Variants in RBM5 observed in about 807,000 individuals in gnomAD.
The protein encoded by RBM5 is RNA binding motif protein 5.
A neutral mutation model predicts 124.6 loss-of-function variants in RBM5; 15 were observed. The observed-to-expected ratio is 0.12, with a 90% CI of 0.08 to 0.19. The LOEUF is 0.19. RBM5 is among the 10% of genes least tolerant of loss of function. The pLI is 1.00. For missense variants in RBM5, 580 were observed against 1,026.5 expected (o/e 0.57, Z 5.94); for synonymous variants, 337 against 361.2 (o/e 0.93, Z 0.76).
chr3:50,114,514 A>G, intron 20 of RBM5: 1 of 439,008 alleles, frequency 2.3e-6, no homozygotes, highest in Non-Finnish European at 4.0e-6. Flanking sequence ...GAGAGTTTTA[A>G]TGGTCTGGAA....
At position 50,100,663 on chromosome 3, in the gene RBM5, T is replaced by TA. The variant is rs988091724; in HGVS notation, c.483+65dup. On this transcript the variant is annotated intron_variant, in intron 6 of 24. Coordinates refer to ENST00000347869, the MANE Select transcript of RBM5 (RefSeq NM_005778.4). The surrounding 1 kb of genome is among the most constrained non-coding windows in gnomAD (Gnocchi z 5.1). ...AAAATGGAACAAGTCTGTACAATTT[T>TA]AAAAAAAGGTTGAAGGAGTGGTTTG... 10 of 1,422,702 alleles carry TA rather than the reference T, an allele frequency of 7.0e-6. No individual in the cohort carries two copies. The African/African-American group carries it at 7.1e-5, about 10-fold the overall frequency. 88.1% of individuals were successfully genotyped at this position (1,422,702 alleles called of 1,614,324 possible).
At chr3:50,118,141 C>G in intron 24 of RBM5, 190 bp from the exon 25 acceptor site, 1 of 738,204 alleles carries the variant, frequency 1.4e-6, no homozygotes, top group South Asian at 2.1e-5. Context: ...TGCCTGTGTT[C>G]CGTAGCCCAT....
intron 15 of RBM5, 48 bp downstream of exon 15, chr3:50,109,736 TTG>T (rs762440238): frequency 6.6e-7 from 1 of 1,516,612 alleles, no homozygotes; most frequent in East Asian, 2.3e-5. Flanking sequence ...TGGGGAAATT[TTG>T]TTTTGCTATA....
chr3:50,093,506 A>G (rs1056945952), intron 3 of RBM5, among the ~76,000 whole-genome samples: 5 of 151,892 alleles, frequency 3.3e-5, no homozygotes, highest in Non-Finnish European at 7.4e-5. Context: ...TTGGGAGGCC[A>G]TAGCAGGAGG....
intron 4 of RBM5, among the ~76,000 whole-genome samples, chr3:50,097,358 T>C (rs1180800901): frequency 1.3e-5 from 2 of 150,322 alleles, no homozygotes; most frequent in Non-Finnish European, 2.9e-5. Context: ...ATCGTGCCAT[T>C]GCACTCCAGC....
At chr3:50,103,307 C>CTT in intron 7 of RBM5, 141 bp downstream of exon 7, 1 of 690,892 alleles carries the variant, frequency 1.4e-6, no homozygotes, top group Non-Finnish European at 2.5e-6. Context: ...TCCTTGGGTC[C>CTT]TCCTACACTG....
At position 50,092,177 on chromosome 3, in the gene RBM5, A is replaced by C; in HGVS notation, c.152A>C (p.Tyr51Ser). ...AGTGATGATCGGAGGGGTGATAGAT[A>C]TGATGACTACCGAGACTATGACAGT... Reference protein sequence around the residue: ...RSSDDRRGDRYDDYRDYDSPE... With the variant: ...RSSDDRRGDRSDDYRDYDSPE... Residue 51 changes from tyrosine to serine, a missense_variant, in exon 3 of 25, where the codon TAT (tyrosine) becomes TCT (serine). By Grantham distance (144) the Tyr-to-Ser change is moderately radical (BLOSUM62 -2). Around this residue, in one of 6 missense-constraint regions of RBM5, gnomAD observed 99 missense variants for 121.1 expected, o/e 0.82. Coordinates refer to ENST00000347869, the MANE Select transcript of RBM5 (RefSeq NM_005778.4). The C allele has an allele frequency of 6.2e-7, 1 of 1,613,938 alleles. No homozygotes were observed. The highest frequency in any genetic ancestry group is 8.5e-7 in the Non-Finnish European group (1 of 1,180,024).
rs533730683 is a variant in RBM5 at position 50,090,468 on chromosome 3, C to A, written c.17+17C>A. 1 of 1,613,672 alleles carries A rather than the reference C, an allele frequency of 6.2e-7. No individual in the cohort carries two copies. Among genetic ancestry groups the A allele is most frequent in the Admixed American group, 1.7e-5 (1 of 59,968 alleles). ...AGACAAAAGGTAAGTTACTACAGTA[C>A]GTGGCTTTGATCTCAACATTTCAGT... On this transcript the variant is annotated intron_variant, in intron 2 of 24. Coordinates refer to ENST00000347869, the MANE Select transcript of RBM5 (RefSeq NM_005778.4).
At chr3:50,111,392 C>A (rs1393347300) in intron 17 of RBM5, among the ~76,000 whole-genome samples, 2 of 152,148 alleles carry the variant, frequency 1.3e-5, no homozygotes, top group Admixed American at 1.3e-4. Context: ...AACTACTAAT[C>A]TACTCTCTGT....
chr3:50,116,880 T>C, intron 22 of RBM5, 194 bp from the exon 23 acceptor site: 1 of 584,012 alleles, frequency 1.7e-6, no homozygotes, highest in South Asian at 2.0e-5. Flanking sequence ...ACACAATTCA[T>C]ATTTACAAAT....
intron 17 of RBM5, among the ~76,000 whole-genome samples, chr3:50,112,414 TAAAAAA>T (rs58011975): frequency 1.1e-5 from 1 of 88,240 alleles, no homozygotes; most frequent in African/African-American, 4.8e-5. Context: ...AGACTCTGTC[TAAAAAA>T]AAAAAAAAAA....
chr3:50,113,368 TTTG>T lies in RBM5; in HGVS notation c.1456-9_1456-7del, dbSNP rs1559696084. ...GAAAGTCTGCATTAATTGTTTTTTG[TTTG>T]TTGTTTTCTAGTACTACTATAATTC... On this transcript the variant is annotated splice_polypyrimidine_tract_variant and intron_variant, in intron 17 of 24. Coordinates refer to ENST00000347869, the MANE Select transcript of RBM5 (RefSeq NM_005778.4). 2 of 1,595,998 alleles carry T rather than the reference TTTG, an allele frequency of 1.3e-6. No homozygotes were observed. Among genetic ancestry groups the T allele is most frequent in the Non-Finnish European group, 1.7e-6 (2 of 1,173,724 alleles).
intron 10 of RBM5, 113 bp downstream of exon 10, chr3:50,105,822 C>T: frequency 8.5e-7 from 1 of 1,170,544 alleles, no homozygotes; most frequent in Non-Finnish European, 1.2e-6. Flanking sequence ...TGCAAGGCTC[C>T]CTAATGACAG....
chr3:50,090,482 C>T, intron 2 of RBM5, 31 bp downstream of exon 2: 1 of 1,612,226 alleles, frequency 6.2e-7, no homozygotes, highest in South Asian at 1.1e-5. Flanking sequence ...GCTTTGATCT[C>T]AACATTTCAG....
At chr3:50,118,210 A>G (rs542801660) in intron 24 of RBM5, 121 bp from the exon 25 acceptor site, 189 of 1,339,752 alleles carry the variant, frequency 1.4e-4, no homozygotes, top group Admixed American at 7.6e-4. Flanking sequence ...CCTTGTCTTC[A>G]TATACAGTTT....
Position 50,113,500 on chromosome 3 carries a change from G to A in RBM5, c.1573G>A (p.Gly525Arg). The change falls in exon 18 of 25, where the codon GGG (glycine) becomes AGG (arginine). Residue 525 changes from glycine to arginine, a missense_variant. Gly to Arg is a moderately radical substitution (Grantham distance 125). This residue lies in a region of RBM5 where 234 missense variants were observed against 435.1 expected (regional missense o/e 0.54). Coordinates refer to ENST00000347869, the MANE Select transcript of RBM5 (RefSeq NM_005778.4). ...QQSGLPPAKE[G>R]KEKKEKPKSK... ...GTCGGGCCTGCCTCCTGCAAAAGAG[G>A]GGAAAGAGAAGAAGGAGAAACCCAA... 1 of 1,614,026 alleles carries A rather than the reference G, an allele frequency of 6.2e-7. No homozygotes were observed. Among genetic ancestry groups the A allele is most frequent in the Non-Finnish European group, 8.5e-7 (1 of 1,179,994 alleles).
chr3:50,107,595 A>G (rs535200928), intron 12 of RBM5, 26 bp downstream of exon 12: 5 of 1,537,514 alleles, frequency 3.3e-6, no homozygotes, highest in Non-Finnish European at 4.5e-6. Context: ...TTTTTGCTCA[A>G]GGTAGTGTGG....
At chr3:50,116,955 C>A (rs1163138124) in intron 22 of RBM5, 119 bp from the exon 23 acceptor site, 5 of 896,834 alleles carry the variant, frequency 5.6e-6, no homozygotes, top group Non-Finnish European at 8.7e-6. Flanking sequence ...TCAGAGCAGT[C>A]TAAAAAAAGC....
At chr3:50,104,608 A>G (rs2090997470) in intron 8 of RBM5, 6 of 315,282 alleles carry the variant, frequency 1.9e-5, no homozygotes, top group East Asian at 1.1e-4. Context: ...ATACCACTGC[A>G]CTCCAGCCTG....
Sources: allele counts gnomAD v4.1 joint callset (sites outside exome capture counted in the v4.1 genomes callset), GRCh38; gene constraint gnomAD v4.1.1; regional missense constraint gnomAD v4.1.1; non-coding constraint Gnocchi (gnomAD v3.1); transcripts MANE v1.5; gene names NCBI Gene and HGNC (gene_info 2026-07-23, HGNC 2026-07-21).